The following RAC1 variants were observed in gnomAD, a reference collection of about 807,000 sequenced individuals.
The protein encoded by RAC1 is ras-related C3 botulinum toxin substrate 1.
Under a neutral mutation model 25.2 loss-of-function variants are expected in RAC1, and 2 were observed. The observed-to-expected ratio is 0.08, with a 90% confidence interval of 0.03 to 0.25. The LOEUF is 0.25. RAC1 is among the 10% of genes least tolerant of loss of function. RAC1 has a pLI of 1.00. For synonymous variants in RAC1, 88 were observed against 94.0 expected, an observed-to-expected ratio of 0.94 and a Z score of 0.37; for missense variants, 50 against 235.7, an observed-to-expected ratio of 0.21 and a Z score of 5.16.
intron 3 of RAC1, among the ~76,000 whole-genome samples, chr7:6,399,084 G>C (rs1336460154): frequency 6.6e-6 from 1 of 151,644 alleles, no homozygotes; most frequent in Non-Finnish European, 1.5e-5. Flanking sequence ...TTCTCCGCTT[G>C]GGTGTCCCGT....
intron 3 of RAC1, among the ~76,000 whole-genome samples, chr7:6,397,505 G>C (rs938653062): frequency 3.9e-5 from 6 of 151,960 alleles, no homozygotes; most frequent in African/African-American, 1.2e-4. Flanking sequence ...ATCTTGGCCA[G>C]GTTGGCCTTG....
chr7:6,398,589 G>T, intron 3 of RAC1: 1 of 1,300,456 alleles, frequency 7.7e-7, no homozygotes, highest in Non-Finnish European at 1.1e-6. Context: ...ATAAAGAATC[G>T]ATAAGAGGTT....
At chr7:6,382,377 C>T (rs1320138301) in intron 1 of RAC1, among the ~76,000 whole-genome samples, 1 of 152,086 alleles carries the variant, frequency 6.6e-6, no homozygotes, top group East Asian at 1.9e-4. Context: ...GCTTTTCTGT[C>T]CTGAGATCAA....
rs562405552 is a variant in RAC1, at chr7:6,395,015, T to C, written c.225+2974T>C. The stretch of plus-strand genomic sequence containing the variant: ...GACTACAGGCGCCCGCCACCACACC[T>C]GACTAATTTTTTATATTTTTAGTAG... On this transcript the variant is annotated intron_variant, in intron 3 of 5. Coordinates refer to ENST00000348035, the MANE Select transcript of RAC1 (RefSeq NM_006908.5). Among the ~76,000 whole-genome samples the C allele has an allele frequency of 1.0e-3, 156 of 152,268 alleles. 1 individual carries two copies. The highest frequency in any genetic ancestry group is 3.5e-3 in the African/African-American group (147 of 41,562).
chr7:6,395,473 A>T (rs1583267923), intron 3 of RAC1, among the ~76,000 whole-genome samples: 1 of 152,286 alleles, frequency 6.6e-6, no homozygotes, highest in East Asian at 1.9e-4. Flanking sequence ...GGAAACACGC[A>T]CCTGGGGACT....
chr7:6,388,916 T>TA (rs1409910652), intron 2 of RAC1, among the ~76,000 whole-genome samples: 2 of 152,114 alleles, frequency 1.3e-5, no homozygotes, highest in African/African-American at 4.8e-5. Context: ...TTTTGGTAGA[T>TA]ACAGCTGGGC....
Position 6,400,129 on chromosome 7 carries a change from G to A in RAC1, c.229G>A (p.Val77Met). The A allele has an allele frequency of 6.2e-7, 1 of 1,610,256 alleles. No individual in the cohort carries two copies. Among genetic ancestry groups the A allele is most frequent in the Non-Finnish European group, 8.5e-7 (1 of 1,176,936 alleles). ...TCCCTGTGTTTCCTTTTTGTAGGAT[G>A]TGTTCTTAATTTGCTTTTCCCTTGT... ...LRPLSYPQTD[V>M]FLICFSLVSP... Residue 77 changes from valine to methionine, a missense_variant, in exon 4 of 6, where the codon GTG (valine) becomes ATG (methionine). Physicochemically the swap from Val to Met is conservative, Grantham distance 21. Transcript: ENST00000348035.
intron 3 of RAC1, among the ~76,000 whole-genome samples, chr7:6,397,051 A>AG (rs1431343737): frequency 2.1e-5 from 3 of 143,128 alleles, no homozygotes; most frequent in Non-Finnish European, 4.6e-5. Context: ...AAAAAAAAAA[A>AG]AAAGAAAAGA....
chr7:6,392,089 C>G (rs367897431), intron 3 of RAC1, 48 bp downstream of exon 3: 19 of 1,609,984 alleles, frequency 1.2e-5, no homozygotes, highest in Non-Finnish European at 1.6e-5. Context: ...GTATATAATT[C>G]TCGAGCGCTT....
chr7:6,387,105 G>C (rs1758397490), intron 1 of RAC1, 107 bp from the exon 2 acceptor site: 1 of 685,300 alleles, frequency 1.5e-6, no homozygotes, highest in African/African-American at 1.8e-5. Flanking sequence ...CTAAGTATGT[G>C]ATGTATATGC....
chr7:6,380,961 C>T (rs546210745), intron 1 of RAC1, among the ~76,000 whole-genome samples: 5 of 152,086 alleles, frequency 3.3e-5, no homozygotes, highest in African/African-American at 4.8e-5. Flanking sequence ...CTCCGCATCC[C>T]AGGTTCAGGC....
At chr7:6,380,533 A>C (rs1002690950) in intron 1 of RAC1, among the ~76,000 whole-genome samples, 4 of 152,218 alleles carry the variant, frequency 2.6e-5, no homozygotes, top group African/African-American at 9.6e-5. Flanking sequence ...CTGATACCTT[A>C]GTACTGCCTA....
chr7:6,383,062 C>G (rs1382535669), intron 1 of RAC1, among the ~76,000 whole-genome samples: 1 of 152,200 alleles, frequency 6.6e-6, no homozygotes, highest in Non-Finnish European at 1.5e-5. Context: ...ATGTTCGTTT[C>G]CTAGAGTGAT....
Position 6,402,808 on chromosome 7 carries a change from C to T in RAC1, c.*362C>T, listed in dbSNP as rs943826535. Reference sequence around the variant, plus strand: ...ATTGTTGTGCCGAGAACACCGAGCACTGAACTTTGCAAAGACCTTCGTCTT... The same window carrying T: ...ATTGTTGTGCCGAGAACACCGAGCATTGAACTTTGCAAAGACCTTCGTCTT... On this transcript the variant is annotated 3_prime_UTR_variant, in exon 6 of 6. Transcript: ENST00000348035. 2 of 211,050 alleles carry T rather than the reference C, an allele frequency of 9.5e-6. No individual in the cohort carries two copies. The highest frequency in any genetic ancestry group is 4.6e-5 in the African/African-American group (2 of 43,822). The allele number at this position is 211,050 out of a possible 1,614,324, so 13.1% of individuals were successfully genotyped here. A position where few individuals can be genotyped will look rare whatever the true frequency, so the allele number is the denominator to read the frequency against.
chr7:6,395,693 G>A (rs1783217693), intron 3 of RAC1, among the ~76,000 whole-genome samples: 1 of 152,082 alleles, frequency 6.6e-6, no homozygotes, highest in African/African-American at 2.4e-5. Flanking sequence ...CTATTCAATA[G>A]TAACACCTCC....
chr7:6,390,990 G>C (rs35418418), intron 2 of RAC1, among the ~76,000 whole-genome samples: 199 of 152,106 alleles, frequency 1.3e-3, no homozygotes, highest in African/African-American at 4.6e-3. Context: ...TCTGCTTCCC[G>C]GGTTCAAGCG....
chr7:6,377,184 C>G (rs1004073084), intron 1 of RAC1, among the ~76,000 whole-genome samples: 1 of 149,900 alleles, frequency 6.7e-6, no homozygotes, highest in African/African-American at 2.5e-5. Context: ...AGTCTGTGGC[C>G]TTGAGTTTTC....
chr7:6,385,066 A>G (rs556858824), intron 1 of RAC1, among the ~76,000 whole-genome samples: 2 of 152,258 alleles, frequency 1.3e-5, no homozygotes, highest in Admixed American at 6.5e-5. Context: ...TCAGCCTCCC[A>G]AAGTGCTAGG....
At chr7:6,388,604 A>C (rs1774048701) in intron 2 of RAC1, among the ~76,000 whole-genome samples, 2 of 151,988 alleles carry the variant, frequency 1.3e-5, no homozygotes, top group South Asian at 2.1e-4. Context: ...TCAGCCTCCC[A>C]AAGTGCTGGG....
Sources: gnomAD v4.1 joint callset for allele counts (sites outside exome capture counted in the v4.1 genomes callset) on GRCh38, gnomAD v4.1.1 for gene constraint, MANE v1.5 for transcripts, NCBI Gene and HGNC (gene_info 2026-07-23, HGNC 2026-07-21) for gene names.